Variants in NCAM1 observed in about 807,000 individuals in gnomAD.
NCAM1 encodes the protein antigen recognized by monoclonal antibody 5.1H11.
A neutral mutation model predicts 109.8 loss-of-function variants in NCAM1; 14 were observed. The observed-to-expected ratio is 0.13, with a 90% CI of 0.08 to 0.20. NCAM1 has a LOEUF of 0.20. Ranked by LOEUF, NCAM1 falls within the 10% of genes least tolerant of loss-of-function variation. NCAM1 has a pLI of 1.00. For missense variants in NCAM1, 774 were observed against 1,109.9 expected, an observed-to-expected ratio of 0.70 and a Z score of 4.30; for synonymous variants, 418 against 442.9, an observed-to-expected ratio of 0.94 and a Z score of 0.70.
intron 1 of NCAM1, among the ~76,000 whole-genome samples, chr11:112,992,728 C>T (rs1214775457): frequency 1.3e-5 from 2 of 152,046 alleles, no homozygotes; most frequent in African/African-American, 2.4e-5. Context: ...GGAATGATCT[C>T]GATCTCCTGA....
At chr11:113,101,597 TCATTGAATGAAC>T (rs1336098133) in intron 1 of NCAM1, among the ~76,000 whole-genome samples, 6 of 152,218 alleles carry the variant, frequency 3.9e-5, no homozygotes, top group Admixed American at 2.6e-4. Context: ...GGATTTATGC[TCATTGAATGAAC>T]CATTTATTTT....
intron 1 of NCAM1, among the ~76,000 whole-genome samples, chr11:113,198,763 G>A (rs1943935707): frequency 6.6e-6 from 1 of 152,150 alleles, no homozygotes; most frequent in African/African-American, 2.4e-5. Flanking sequence ...TAGTAGTTGA[G>A]GGGTTTAGGG....
At chr11:113,040,915 T>C (rs1468929474) in intron 1 of NCAM1, 3 of 152,262 alleles carry the variant, frequency 2.0e-5, no homozygotes, top group African/African-American at 7.2e-5. Flanking sequence ...CATATTATTC[T>C]GTTACAATAG....
At chr11:113,111,900 C>T (rs945353869) in intron 1 of NCAM1, among the ~76,000 whole-genome samples, 1 of 152,152 alleles carries the variant, frequency 6.6e-6, no homozygotes, top group Non-Finnish European at 1.5e-5. Flanking sequence ...TAAACGTATT[C>T]ATTATTCAAA....
chr11:113,178,885 C>G (rs942390541), intron 1 of NCAM1, among the ~76,000 whole-genome samples: 2 of 152,208 alleles, frequency 1.3e-5, no homozygotes, highest in African/African-American at 2.4e-5. Flanking sequence ...AGCTCACTCA[C>G]CTGCTGCTAA....
rs528446836 is a variant in NCAM1, at chr11:113,259,831, G to A, written c.1954-315G>A. ...CCATTCTCTTGCCTCAGCCTCCAGA[G>A]TAGCTGGGACTACAGGTGTGTGGCA... On this transcript the variant is annotated intron_variant, in intron 16 of 19. Transcript: ENST00000316851. Among the ~76,000 whole-genome samples, 173 of 151,602 alleles carry A rather than the reference G, an allele frequency of 1.1e-3. 1 individual carries two copies. The highest frequency in any genetic ancestry group is 4.0e-3 in the African/African-American group (166 of 41,330).
At chr11:112,992,503 CTT>C (rs1335878256) in intron 1 of NCAM1, among the ~76,000 whole-genome samples, 5 of 135,468 alleles carry the variant, frequency 3.7e-5, no homozygotes. Flanking sequence ...CTTTTTTTTT[CTT>C]TTTTTTTTTT....
chr11:113,233,917 G>A lies in NCAM1; in HGVS notation c.1693+600G>A, dbSNP rs1227512990. Among the ~76,000 whole-genome samples the A allele has an allele frequency of 3.3e-5, 5 of 152,126 alleles. No homozygotes were observed. The highest frequency in any genetic ancestry group is 7.3e-5 in the Non-Finnish European group (5 of 68,030). On this transcript the variant is annotated intron_variant, in intron 13 of 19. Coordinates refer to ENST00000316851, the MANE Select transcript of NCAM1 (RefSeq NM_181351.5). This position sits in a 1 kb window ranked among gnomAD's most constrained non-coding sequence, Gnocchi z 4.5. ...GCTTATGTTGGACTCCCCTTTTTGG[G>A]TTTAATTGGAATAACTCAGTGAAGT...
Position 113,047,121 on chromosome 11 carries a change from G to A in NCAM1, c.52+85457G>A, listed in dbSNP as rs116761215. Among the ~76,000 whole-genome samples, 208 of 152,300 alleles carry A rather than the reference G, an allele frequency of 1.4e-3. 1 individual carries two copies. The highest frequency in any genetic ancestry group is 4.8e-3 in the African/African-American group (198 of 41,574). Reference sequence around the variant, plus strand: ...TACTGGTATTTTTACTGGAATGCATGTGTACCCGTAAGGCTGGTAATACAG... The same window carrying A: ...TACTGGTATTTTTACTGGAATGCATATGTACCCGTAAGGCTGGTAATACAG... On this transcript the variant is annotated intron_variant, in intron 1 of 19. Coordinates refer to ENST00000316851, the MANE Select transcript of NCAM1 (RefSeq NM_181351.5).
chr11:112,980,935 C>A (rs1478740480), intron 1 of NCAM1, among the ~76,000 whole-genome samples: 1 of 151,760 alleles, frequency 6.6e-6, no homozygotes, highest in Non-Finnish European at 1.5e-5. Context: ...AAATGCCTAG[C>A]ACCTGGAAGC....
At chr11:112,992,965 G>T (rs1368852616) in intron 1 of NCAM1, among the ~76,000 whole-genome samples, 1 of 152,108 alleles carries the variant, frequency 6.6e-6, no homozygotes, top group African/African-American at 2.4e-5. Context: ...TATGATAAAA[G>T]AAGTGTATAT....
intron 1 of NCAM1, among the ~76,000 whole-genome samples, chr11:112,972,405 G>A (rs868917573): frequency 6.6e-6 from 1 of 152,078 alleles, no homozygotes; most frequent in Non-Finnish European, 1.5e-5. Flanking sequence ...ATGATATCTT[G>A]CCTATAATTC....
intron 1 of NCAM1, among the ~76,000 whole-genome samples, chr11:113,163,106 G>T (rs1942657613): frequency 6.6e-6 from 1 of 152,196 alleles, no homozygotes; most frequent in South Asian, 2.1e-4. Flanking sequence ...GCAAATCCAA[G>T]TGCAGCCTCA....
At chr11:113,267,097 GCCA>G (rs1294111149) in intron 17 of NCAM1, among the ~76,000 whole-genome samples, 2 of 152,192 alleles carry the variant, frequency 1.3e-5, no homozygotes, top group African/African-American at 2.4e-5. Flanking sequence ...GCTAAAATCT[GCCA>G]CCACCATAAT....
chr11:113,074,752 C>A (rs1157387016), intron 1 of NCAM1, among the ~76,000 whole-genome samples: 1 of 152,100 alleles, frequency 6.6e-6, no homozygotes, highest in Non-Finnish European at 1.5e-5. Flanking sequence ...CTGCCTCAGC[C>A]CCCCAAATAG....
chr11:113,148,066 A>G (rs1157139825), intron 1 of NCAM1, among the ~76,000 whole-genome samples: 1 of 152,226 alleles, frequency 6.6e-6, no homozygotes, highest in Non-Finnish European at 1.5e-5. Context: ...TTTGAGTACC[A>G]CACAGAGAAT....
intron 1 of NCAM1, among the ~76,000 whole-genome samples, chr11:112,994,837 TGTAATCTTTGTTTGTCAATG>T (rs1225656741): frequency 9.2e-5 from 14 of 152,210 alleles, no homozygotes; most frequent in African/African-American, 3.4e-4. Flanking sequence ...GTAGAAATCT[TGTAATCTTTGTTTGTCAATG>T]GTTCTTCTTC....
chr11:113,000,146 T>A (rs1951706716), intron 1 of NCAM1, among the ~76,000 whole-genome samples: 1 of 152,176 alleles, frequency 6.6e-6, no homozygotes, highest in South Asian at 2.1e-4. Flanking sequence ...AATATCACTA[T>A]CCGAATGTTG....
intron 1 of NCAM1, among the ~76,000 whole-genome samples, chr11:113,159,077 T>A (rs1314093066): frequency 6.6e-6 from 1 of 152,180 alleles, no homozygotes; most frequent in Non-Finnish European, 1.5e-5. Context: ...GTGTAGACCT[T>A]TATAGAGTAG....
Sources: allele counts gnomAD v4.1 joint callset (sites outside exome capture counted in the v4.1 genomes callset), GRCh38; gene constraint gnomAD v4.1.1; non-coding constraint Gnocchi (gnomAD v3.1); transcripts MANE v1.5; gene names NCBI Gene and HGNC (gene_info 2026-07-23, HGNC 2026-07-21).